The following DDX10 variants were observed in gnomAD, a reference collection of about 807,000 sequenced individuals.
The protein encoded by DDX10 is DEAD-box helicase 10, also known as probable ATP-dependent RNA helicase DDX10.
Under a neutral mutation model 104.3 loss-of-function variants are expected in DDX10, and 74 were observed. That is an observed-to-expected ratio of 0.71 (90% CI 0.59 to 0.86). The LOEUF (loss-of-function observed/expected upper bound fraction) is 0.86, where lower values mean the gene tolerates loss of function less well. Among genes scored for constraint, DDX10 ranks in the 40% least tolerant of loss-of-function variants. The pLI, the probability that DDX10 is intolerant of heterozygous loss-of-function variation, is 0.00. For synonymous variants in DDX10, 351 were observed against 353.4 expected (o/e 0.99, Z 0.08); for missense variants, 952 against 1,040.0 (o/e 0.92, Z 1.16).
intron 5 of DDX10, among the ~76,000 whole-genome samples, chr11:108,678,945 C>T (rs765124474): frequency 1.1e-4 from 15 of 134,484 alleles, no homozygotes; most frequent in South Asian, 4.9e-4. Flanking sequence ...GGCATGATCT[C>T]GGCTCATGGG....
At chr11:108,931,564 A>C (rs771358651) in intron 17 of DDX10, among the ~76,000 whole-genome samples, 3 of 152,206 alleles carry the variant, frequency 2.0e-5, no homozygotes, top group Non-Finnish European at 4.4e-5. Context: ...AGAAAAGTAG[A>C]TATTTTTTAC....
intron 13 of DDX10, among the ~76,000 whole-genome samples, chr11:108,737,238 T>TA (rs1344738338): frequency 2.0e-5 from 3 of 152,222 alleles, no homozygotes; most frequent in African/African-American, 7.2e-5. Context: ...TTTTAAAACT[T>TA]ATTTTTCAAG....
intron 13 of DDX10, among the ~76,000 whole-genome samples, chr11:108,785,728 A>G (rs1861782142): frequency 6.6e-6 from 1 of 152,134 alleles, no homozygotes; most frequent in Non-Finnish European, 1.5e-5. Context: ...AAAGGTGTTC[A>G]TAATCGTCTC....
chr11:108,750,963 T>C (rs899913585), intron 13 of DDX10, among the ~76,000 whole-genome samples: 1 of 105,730 alleles, frequency 9.5e-6, no homozygotes, highest in Middle Eastern at 4.8e-3. Flanking sequence ...TTTTTTTTTT[T>C]TAGAGATGGG....
intron 17 of DDX10, among the ~76,000 whole-genome samples, chr11:108,927,112 A>G (rs1460454596): frequency 6.6e-6 from 1 of 152,200 alleles, no homozygotes; most frequent in Non-Finnish European, 1.5e-5. Flanking sequence ...TTGCAGCTTT[A>G]TCAGTCTTTG....
At chr11:108,784,583 G>C (rs1446544492) in intron 13 of DDX10, among the ~76,000 whole-genome samples, 2 of 152,032 alleles carry the variant, frequency 1.3e-5, no homozygotes, top group African/African-American at 2.4e-5. Context: ...GCAGATTCTG[G>C]ATATTAGACT....
At chr11:108,843,754 CG>C (rs1444139589) in intron 15 of DDX10, among the ~76,000 whole-genome samples, 7 of 127,374 alleles carry the variant, frequency 5.5e-5, no homozygotes, top group Admixed American at 1.6e-4. Flanking sequence ...GAGACTCCAT[CG>C]AAAAAAAAAA....
intron 11 of DDX10, among the ~76,000 whole-genome samples, chr11:108,716,449 G>C (rs774528227): frequency 6.6e-6 from 1 of 152,036 alleles, no homozygotes; most frequent in Non-Finnish European, 1.5e-5. Context: ...TATATGGATT[G>C]GGAAAAATCA....
intron 13 of DDX10, among the ~76,000 whole-genome samples, chr11:108,811,894 G>GGC (rs941501195): frequency 3.6e-4 from 53 of 148,840 alleles, no homozygotes; most frequent in African/African-American, 1.3e-3. Context: ...TATAAATATG[G>GGC]GGGGGGGAAG....
At chr11:108,904,540 G>A (rs1863564981) in intron 16 of DDX10, among the ~76,000 whole-genome samples, 1 of 152,110 alleles carries the variant, frequency 6.6e-6, no homozygotes, top group African/African-American at 2.4e-5. Flanking sequence ...GCCAGTTTTA[G>A]TACCTGCAAA....
At chr11:108,720,037 G>C in intron 12 of DDX10, 152 bp downstream of exon 12, 1 of 621,376 alleles carries the variant, frequency 1.6e-6, no homozygotes, top group East Asian at 2.9e-5. Context: ...TGAAGTGTTA[G>C]GACTACAGGC....
chr11:108,803,677 A>G (rs1862057508), intron 13 of DDX10, among the ~76,000 whole-genome samples: 1 of 151,940 alleles, frequency 6.6e-6, no homozygotes, highest in East Asian at 1.9e-4. Context: ...ATGTAAATCT[A>G]ATTAATCTAT....
At chr11:108,773,981 T>C (rs747399080) in intron 13 of DDX10, among the ~76,000 whole-genome samples, 2 of 152,178 alleles carry the variant, frequency 1.3e-5, no homozygotes, top group Non-Finnish European at 2.9e-5. Flanking sequence ...CTAGAGAGTG[T>C]GTCATAGCTT....
chr11:108,897,551 C>T (rs564795283), intron 16 of DDX10, among the ~76,000 whole-genome samples: 15 of 152,102 alleles, frequency 9.9e-5, no homozygotes, highest in Admixed American at 2.0e-4. Context: ...ACTTCTAGGC[C>T]GCCAAGGTGA....
chr11:108,799,299 A>G (rs531842675), intron 13 of DDX10, among the ~76,000 whole-genome samples: 1 of 152,280 alleles, frequency 6.6e-6, no homozygotes, highest in East Asian at 1.9e-4. Flanking sequence ...CTCGTCACTC[A>G]CTTTCACCCC....
At chr11:108,671,742 A>G (rs2094217309) in intron 1 of DDX10, among the ~76,000 whole-genome samples, 1 of 152,228 alleles carries the variant, frequency 6.6e-6, no homozygotes, top group Admixed American at 6.5e-5. Context: ...GCCCTATTTT[A>G]GAACATCAAC....
chr11:108,876,039 G>A (rs1863150129), intron 16 of DDX10, among the ~76,000 whole-genome samples: 1 of 152,188 alleles, frequency 6.6e-6, no homozygotes, highest in Non-Finnish European at 1.5e-5. Context: ...CTCCGAGAAT[G>A]TTAGGTTGAA....
intron 16 of DDX10, among the ~76,000 whole-genome samples, chr11:108,892,286 C>G (rs577056669): frequency 6.6e-6 from 1 of 152,250 alleles, no homozygotes; most frequent in East Asian, 1.9e-4. Context: ...CTCCCTCTTT[C>G]TCTGGCCTCC....
At chr11:108,920,050 T>A (rs993035385) in intron 17 of DDX10, 2 of 152,056 alleles carry the variant, frequency 1.3e-5, no homozygotes, top group East Asian at 3.9e-4. Context: ...CATATTTGAA[T>A]TGATTAATTG....
Sources: gnomAD v4.1 joint callset for allele counts (sites outside exome capture counted in the v4.1 genomes callset) on GRCh38, gnomAD v4.1.1 for gene constraint, MANE v1.5 for transcripts, NCBI Gene and HGNC (gene_info 2026-07-23, HGNC 2026-07-21) for gene names.